PTPRD: variants seen among roughly 807,000 people sequenced by gnomAD.
PTPRD encodes the protein protein tyrosine phosphatase receptor type D.
A neutral mutation model predicts 214.5 loss-of-function variants in PTPRD; 34 were observed. That is an observed-to-expected ratio of 0.16 (90% CI 0.12 to 0.21). PTPRD has a LOEUF of 0.21. Among genes scored for constraint, PTPRD ranks in the 10% least tolerant of loss-of-function variants. The pLI, the probability that PTPRD is intolerant of heterozygous loss-of-function variation, is 1.00. For synonymous variants in PTPRD, 1,128 were observed against 845.7 expected (o/e 1.33, Z -5.79); for missense variants, 2,545 against 2,398.7 (o/e 1.06, Z -1.27).
chr9:9,940,497 T>G (rs1291206173), intron 4 of PTPRD, among the ~76,000 whole-genome samples: 1 of 152,180 alleles, frequency 6.6e-6, no homozygotes, highest in East Asian at 1.9e-4. Context: ...AAATTAGATT[T>G]GAGTCCTATC....
Position 8,584,830 on chromosome 9 carries a change from G to T in PTPRD, c.352+48487C>A, listed in dbSNP as rs371167128. On this transcript the variant is annotated intron_variant, in intron 14 of 45. Transcript: ENST00000381196. ...GTTCAGAATGGCTGGGGAGGCCCCAGGAAACTTACAATCACGTTGGAAGCG... is the reference window on the plus strand; with the variant it reads ...GTTCAGAATGGCTGGGGAGGCCCCATGAAACTTACAATCACGTTGGAAGCG... Among the ~76,000 whole-genome samples, 4 of 152,196 alleles carry T rather than the reference G, an allele frequency of 2.6e-5. No homozygotes were observed. In the East Asian group the frequency reaches 7.7e-4, roughly 29 times the overall value.
chr9:9,839,072 G>C (rs993558059), intron 5 of PTPRD, among the ~76,000 whole-genome samples: 2 of 152,150 alleles, frequency 1.3e-5, no homozygotes, highest in African/African-American at 4.8e-5. Flanking sequence ...AGATCAGATA[G>C]TTGTAGATAT....
chr9:9,707,591 T>A (rs1225104152), intron 7 of PTPRD, among the ~76,000 whole-genome samples: 2 of 152,156 alleles, frequency 1.3e-5, no homozygotes, highest in African/African-American at 4.8e-5. Context: ...TCTAAAATAA[T>A]GCAATAGCCT....
At chr9:8,528,174 TTTA>T in intron 15 of PTPRD, 1 of 378,652 alleles carries the variant, frequency 2.6e-6, no homozygotes, top group Non-Finnish European at 4.6e-6. Flanking sequence ...ATATGAACAT[TTTA>T]TTTTTTAATG....
intron 11 of PTPRD, among the ~76,000 whole-genome samples, chr9:8,856,626 G>A (rs1349006305): frequency 6.6e-6 from 1 of 152,176 alleles, no homozygotes; most frequent in Non-Finnish European, 1.5e-5. Context: ...AACTGTAGAT[G>A]AGGCTGGGGG....
chr9:10,102,195 T>C (rs2098557451), intron 3 of PTPRD, among the ~76,000 whole-genome samples: 1 of 151,678 alleles, frequency 6.6e-6, no homozygotes. Context: ...AAATCACTAC[T>C]CATTCTCTCT....
intron 4 of PTPRD, among the ~76,000 whole-genome samples, chr9:9,966,249 A>ATTC (rs2094691119): frequency 6.6e-6 from 1 of 152,178 alleles, no homozygotes; most frequent in Non-Finnish European, 1.5e-5. Context: ...CTTCTAATTT[A>ATTC]TCAATAAAAT....
intron 8 of PTPRD, among the ~76,000 whole-genome samples, chr9:9,462,795 G>C (rs1286664973): frequency 3.3e-5 from 5 of 152,128 alleles, no homozygotes; most frequent in Admixed American, 3.3e-4. Context: ...GATCAATAGA[G>C]ATGGAAATTT....
chr9:8,321,483 GTGTGTATATATATATATATA>G (rs1200319699), intron 44 of PTPRD, among the ~76,000 whole-genome samples: 2 of 48,788 alleles, frequency 4.1e-5, no homozygotes, highest in African/African-American at 2.6e-4. Flanking sequence ...GTGTGTGTGT[GTGTGTATATATATATATATA>G]TATATATATA....
intron 11 of PTPRD, among the ~76,000 whole-genome samples, chr9:8,892,844 G>C (rs1271108976): frequency 1.3e-5 from 2 of 151,796 alleles, no homozygotes; most frequent in Non-Finnish European, 2.9e-5. Context: ...AAGGCCCAGA[G>C]AAATAAAAGC....
At chr9:9,218,635 A>G (rs1245258212) in intron 9 of PTPRD, among the ~76,000 whole-genome samples, 9 of 152,150 alleles carry the variant, frequency 5.9e-5, no homozygotes, top group African/African-American at 1.7e-4. Context: ...ACTGGTGAGC[A>G]CTGTAACTAA....
intron 14 of PTPRD, among the ~76,000 whole-genome samples, chr9:8,588,206 C>G (rs2093820344): frequency 6.6e-6 from 1 of 152,188 alleles, no homozygotes; most frequent in Non-Finnish European, 1.5e-5. Flanking sequence ...TTGGAGGGTT[C>G]TTGTTACAGA....
chr9:10,006,094 G>A (rs1270022190), intron 4 of PTPRD, among the ~76,000 whole-genome samples: 3 of 148,780 alleles, frequency 2.0e-5, no homozygotes, highest in African/African-American at 7.3e-5. Flanking sequence ...AAGAAATATT[G>A]CAGTTAATGA....
At chr9:9,243,638 C>G (rs183712049) in intron 9 of PTPRD, among the ~76,000 whole-genome samples, 2 of 152,194 alleles carry the variant, frequency 1.3e-5, no homozygotes, top group Admixed American at 1.3e-4. Context: ...TGGAACGTAT[C>G]TGAAAATAAT....
chr9:9,978,102 A>ACACACACACACG (rs984790066), intron 4 of PTPRD, among the ~76,000 whole-genome samples: 1 of 93,904 alleles, frequency 1.1e-5, no homozygotes, highest in African/African-American at 3.9e-5. Context: ...AAATTAAAAC[A>ACACACACACACG]CACACACACA....
At position 10,110,516 on chromosome 9, in the gene PTPRD, A is replaced by G. The variant is rs530505814; in HGVS notation, c.-544-76726T>C. On this transcript the variant is annotated intron_variant, in intron 3 of 45. Coordinates refer to ENST00000381196, the MANE Select transcript of PTPRD (RefSeq NM_002839.4). ...ATGAAAAAGTGAATCACAGAGAGAA[A>G]GAATTTGAAAAGAAAATGAGATGAG... 7.7e-4 allele frequency among the ~76,000 whole-genome samples: 118 copies of G among 152,354 alleles called. 1 individual carries two copies. Among genetic ancestry groups the G allele is most frequent in the African/African-American group, 2.5e-3 (105 of 41,582 alleles).
chr9:8,764,124 T>C (rs981455003), intron 11 of PTPRD, among the ~76,000 whole-genome samples: 5 of 152,242 alleles, frequency 3.3e-5, no homozygotes, highest in African/African-American at 9.6e-5. Flanking sequence ...ACTCTAATTA[T>C]TCCAGGACTG....
intron 8 of PTPRD, among the ~76,000 whole-genome samples, chr9:9,522,465 C>G (rs967547865): frequency 6.6e-6 from 1 of 152,016 alleles, no homozygotes; most frequent in Non-Finnish European, 1.5e-5. Flanking sequence ...ATAGTAAAAA[C>G]TTGAAAGGAC....
At chr9:10,103,401 A>ATATATAT (rs1321996717) in intron 3 of PTPRD, among the ~76,000 whole-genome samples, 2 of 144,746 alleles carry the variant, frequency 1.4e-5, no homozygotes, top group African/African-American at 2.5e-5. Context: ...ATATTTATTT[A>ATATATAT]AGAGCATTGC....
Sources: gnomAD v4.1 joint callset for allele counts (sites outside exome capture counted in the v4.1 genomes callset) on GRCh38, gnomAD v4.1.1 for gene constraint, MANE v1.5 for transcripts, NCBI Gene and HGNC (gene_info 2026-07-23, HGNC 2026-07-21) for gene names.